Variants in AGT observed in about 807,000 individuals in gnomAD.
The protein encoded by AGT is alpha-1 antiproteinase, antitrypsin.
AGT carries 26 observed loss-of-function variants against 28.1 expected under a neutral mutation model. That is an observed-to-expected ratio of 0.92 (90% CI 0.68 to 1.28). The LOEUF is 1.28. Among genes scored for constraint, AGT ranks in the 50% most tolerant of loss-of-function variants. The probability of loss-of-function intolerance (pLI) is 0.00; values close to 1 mark genes in which losing one functional copy is unlikely to be tolerated. For missense variants in AGT, 596 were observed against 592.3 expected (o/e 1.01, Z -0.06); for synonymous variants, 259 against 259.6 (o/e 1.00, Z 0.02).
chr1:230,731,511 T>G (rs1664061455), intron 1 of AGT, among the ~76,000 whole-genome samples: 1 of 152,230 alleles, frequency 6.6e-6, no homozygotes, highest in African/African-American at 2.4e-5. Context: ...TCTACAGCCT[T>G]GGACCATGCA....
In AGT at chr1:230,710,244, GCTGGGCCTGGCTATCAGCCCTGCC is replaced by G. The variant is rs758918817; in HGVS notation, c.556_579del (p.Gly186_Gln193del). The G allele has an allele frequency of 6.2e-7, 1 of 1,613,670 alleles. No individual in the cohort carries two copies. Among genetic ancestry groups the G allele is most frequent in the South Asian group, 1.1e-5 (1 of 91,076 alleles). On this transcript the variant is annotated inframe_deletion, in exon 2 of 5. Coordinates refer to ENST00000366667, the MANE Select transcript of AGT (RefSeq NM_001384479.1). ...ACGCCCACCACCGTGGACAGCAGCA[GCTGGGCCTGGCTATCAGCCCTGCC>G]CTGGGCCACTAGCAGGCCCTGTACA...
chr1:230,744,246 A>C (rs1467727516), intron 1 of AGT, among the ~76,000 whole-genome samples: 1 of 152,162 alleles, frequency 6.6e-6, no homozygotes, highest in Non-Finnish European at 1.5e-5. Context: ...TCATCCTGAG[A>C]AGTGAAGGTT....
intron 1 of AGT, among the ~76,000 whole-genome samples, chr1:230,728,442 C>G (rs1350700043): frequency 6.6e-6 from 1 of 152,048 alleles, no homozygotes; most frequent in Admixed American, 6.6e-5. Flanking sequence ...TTAGCTTGAC[C>G]CATGCCCCAA....
chr1:230,744,585 C>G (rs985479061), intron 1 of AGT, among the ~76,000 whole-genome samples: 1 of 152,268 alleles, frequency 6.6e-6, no homozygotes, highest in African/African-American at 2.4e-5. Context: ...ATTGTTAAAC[C>G]TTTTTGGTGT....
chr1:230,703,562 C>T (rs573547402), intron 4 of AGT, among the ~76,000 whole-genome samples: 2 of 152,308 alleles, frequency 1.3e-5, no homozygotes, highest in East Asian at 1.9e-4. Context: ...ACTCACATGC[C>T]GGCTCCTCCC....
chr1:230,735,646 G>T (rs1237537493), intron 1 of AGT, among the ~76,000 whole-genome samples: 1 of 151,988 alleles, frequency 6.6e-6, no homozygotes, highest in African/African-American at 2.4e-5. Context: ...CTGGGAGGCT[G>T]ATTACACAGA....
rs1336012906 is a variant in AGT at position 230,703,006 on chromosome 1, A to G, written c.*135T>C. On this transcript the variant is annotated 3_prime_UTR_variant, in exon 5 of 5. Transcript: ENST00000366667. Reference sequence around the variant, plus strand: ...ACGGCTGCTTTCCAGCTCAAAGTCGACTCATTAGAAGAAAAGGTGGGAGAC... The same window carrying G: ...ACGGCTGCTTTCCAGCTCAAAGTCGGCTCATTAGAAGAAAAGGTGGGAGAC... The G allele has an allele frequency of 2.7e-5, 27 of 996,432 alleles. No individual in the cohort carries two copies. Among genetic ancestry groups the G allele is most frequent in the Middle Eastern group, 3.2e-4 (1 of 3,106 alleles). 61.7% of individuals were successfully genotyped at this position (996,432 alleles called of 1,614,324 possible). A position where few individuals can be genotyped will look rare whatever the true frequency, so the allele number is the denominator to read the frequency against.
At chr1:230,713,516 T>C (rs1163512703) in intron 1 of AGT, among the ~76,000 whole-genome samples, 1 of 152,210 alleles carries the variant, frequency 6.6e-6, no homozygotes, top group Non-Finnish European at 1.5e-5. Flanking sequence ...TCATGTTATA[T>C]TAGTTCTCTT....
chr1:230,731,072 C>T (rs1170079674), intron 1 of AGT, among the ~76,000 whole-genome samples: 2 of 152,208 alleles, frequency 1.3e-5, no homozygotes, highest in Non-Finnish European at 2.9e-5. Flanking sequence ...CCTGACAGAA[C>T]TTTGTATCAG....
intron 1 of AGT, among the ~76,000 whole-genome samples, chr1:230,712,701 C>T (rs939885377): frequency 5.9e-5 from 9 of 152,218 alleles, no homozygotes; most frequent in African/African-American, 1.9e-4. Flanking sequence ...TCTCCAGAGA[C>T]GCAATTCCAT....
At chr1:230,726,637 C>T (rs1663948392) in intron 1 of AGT, among the ~76,000 whole-genome samples, 1 of 152,184 alleles carries the variant, frequency 6.6e-6, no homozygotes, top group South Asian at 2.1e-4. Context: ...CACTTCATTA[C>T]ATCCTTAATC....
chr1:230,737,468 C>A (rs1161196146), intron 1 of AGT, among the ~76,000 whole-genome samples: 1 of 152,044 alleles, frequency 6.6e-6, no homozygotes, highest in African/African-American at 2.4e-5. Context: ...CCCACCACCA[C>A]ACCTGGCTAA....
intron 4 of AGT, among the ~76,000 whole-genome samples, 196 bp downstream of exon 4, chr1:230,703,997 G>C (rs1279127009): frequency 6.6e-6 from 1 of 152,198 alleles, no homozygotes; most frequent in East Asian, 1.9e-4. Flanking sequence ...AGCAGGGATG[G>C]GGAGGGATTT....
chr1:230,710,631 C>A lies in AGT; in HGVS notation c.193G>T (p.Ala65Ser). The A allele has an allele frequency of 1.2e-6, 2 of 1,614,242 alleles. No homozygotes were observed. Among genetic ancestry groups the A allele is most frequent in the Non-Finnish European group, 1.7e-6 (2 of 1,180,046 alleles). ...DPTFIPAPIQ[A>S]KTSPVDEKAL... ...TTTTCATCCACAGGGGATGTCTTGG[C>A]CTGAATTGGAGCAGGTATGAAGGTG... Residue 65 changes from alanine (A) to serine (S), a missense_variant, in exon 2 of 5, where the codon GCC becomes TCC. By Grantham distance (99) the Ala-to-Ser change is moderately conservative. Coordinates refer to ENST00000366667, the MANE Select transcript of AGT (RefSeq NM_001384479.1).
rs563580348 is a variant in AGT, at chr1:230,719,852, T to C, written c.-30-8999A>G. Among the ~76,000 whole-genome samples the C allele has an allele frequency of 2.6e-4, 40 of 152,274 alleles. No homozygotes were observed. The South Asian group carries it at 8.1e-3, about 31-fold the overall frequency. ...TAGTGAATCCAGTTTCAGGTACTTA[T>C]GAAAAATGGTGTTATCAAGCAAAAA... On this transcript the variant is annotated intron_variant, in intron 1 of 4. Coordinates refer to the AGT transcript ENST00000681269.
intron 1 of AGT, among the ~76,000 whole-genome samples, chr1:230,732,415 C>T (rs1337240067): frequency 6.6e-6 from 1 of 151,966 alleles, no homozygotes; most frequent in Non-Finnish European, 1.5e-5. Context: ...CAGGGTAGGG[C>T]TGGAATGGGA....
intron 1 of AGT, among the ~76,000 whole-genome samples, chr1:230,740,609 G>A (rs1186155874): frequency 2.0e-5 from 3 of 152,174 alleles, no homozygotes; most frequent in Non-Finnish European, 4.4e-5. Flanking sequence ...TTGGTGCGAG[G>A]TGGTAACTGG....
At chr1:230,725,601 A>G (rs1663926299) in intron 1 of AGT, among the ~76,000 whole-genome samples, 1 of 152,224 alleles carries the variant, frequency 6.6e-6, no homozygotes, top group Non-Finnish European at 1.5e-5. Flanking sequence ...GAAGCCCCAT[A>G]GTTGCAATGA....
At chr1:230,711,163 A>G (rs934319284) in intron 1 of AGT, among the ~76,000 whole-genome samples, 1 of 152,160 alleles carries the variant, frequency 6.6e-6, no homozygotes, top group South Asian at 2.1e-4. Context: ...ATCTTTAAAG[A>G]GATGATTAAG....
Sources: gnomAD v4.1 joint callset for allele counts (sites outside exome capture counted in the v4.1 genomes callset) on GRCh38, gnomAD v4.1.1 for gene constraint, MANE v1.5 for transcripts, NCBI Gene and HGNC (gene_info 2026-07-23, HGNC 2026-07-21) for gene names.